Variants in CDC42BPA observed in about 807,000 individuals in gnomAD.
CDC42BPA encodes the protein serine/threonine-protein kinase MRCK alpha.
A neutral mutation model predicts 223.5 loss-of-function variants in CDC42BPA; 80 were observed. That is an observed-to-expected ratio of 0.36 (90% CI 0.30 to 0.43). The LOEUF (loss-of-function observed/expected upper bound fraction) is 0.43. CDC42BPA is among the 20% of genes least tolerant of loss of function. CDC42BPA has a pLI of 1.00. For missense variants in CDC42BPA, 1,743 were observed against 2,099.9 expected (o/e 0.83, Z 3.32); for synonymous variants, 694 against 718.6 (o/e 0.97, Z 0.55).
At chr1:227,258,821 A>G (rs1484185088) in intron 1 of CDC42BPA, among the ~76,000 whole-genome samples, 1 of 150,992 alleles carries the variant, frequency 6.6e-6, no homozygotes, top group Non-Finnish European at 1.5e-5. Context: ...GTTCATTTCA[A>G]GCACACTCTA....
At chr1:227,115,009 G>C (rs962632448) in intron 12 of CDC42BPA, among the ~76,000 whole-genome samples, 9 of 152,096 alleles carry the variant, frequency 5.9e-5, no homozygotes, top group Non-Finnish European at 2.9e-5. Context: ...ACAAATTTCA[G>C]TGAAGAAGAA....
In CDC42BPA at chr1:227,108,653, C is replaced by T. The variant is rs183876887; in HGVS notation, c.2001+3659G>A. On this transcript the variant is annotated intron_variant, in intron 14 of 36. Transcript: ENST00000366766. The stretch of plus-strand genomic sequence containing the variant: ...CTGATTCCAGGACCCTACTTGAATA[C>T]CTAAAATCCACGGATGCTCAAGTCT... 1.2e-3 allele frequency among the ~76,000 whole-genome samples: 181 copies of T among 152,264 alleles called. 1 individual carries two copies. Among genetic ancestry groups the T allele is most frequent in the South Asian group, 2.7e-3 (13 of 4,820 alleles).
rs865928014 is a variant in CDC42BPA at position 227,106,620 on chromosome 1, T to C, written c.2002-5381A>G. On this transcript the variant is annotated intron_variant, in intron 14 of 36. Transcript: ENST00000366766. ...TATTTTAAAAAGAGTTTGAGAAGGA[T>C]TGGTGTTAATTCTTCTTTCAGTATT... Among the ~76,000 whole-genome samples the C allele has an allele frequency of 3.9e-5, 6 of 152,260 alleles. No individual in the cohort carries two copies. In the South Asian group the frequency reaches 1.0e-3, roughly 26 times the overall value.
At chr1:227,192,226 C>T (rs1363458604) in intron 5 of CDC42BPA, among the ~76,000 whole-genome samples, 1 of 152,190 alleles carries the variant, frequency 6.6e-6, no homozygotes, top group Non-Finnish European at 1.5e-5. Context: ...AAACATTCTA[C>T]TCCTTGCCAC....
intron 3 of CDC42BPA, among the ~76,000 whole-genome samples, chr1:227,201,726 C>T (rs1191253021): frequency 6.6e-6 from 1 of 151,674 alleles, no homozygotes; most frequent in Non-Finnish European, 1.5e-5. Context: ...TCCCACCTCC[C>T]CTATATTTTT....
At chr1:227,031,680 C>T (rs1178342824) in intron 27 of CDC42BPA, among the ~76,000 whole-genome samples, 166 bp from the exon 28 acceptor site, 1 of 152,100 alleles carries the variant, frequency 6.6e-6, no homozygotes, top group Non-Finnish European at 1.5e-5. Context: ...ACCTTTAGCA[C>T]TAGAATACAT....
At chr1:227,074,197 G>C in intron 18 of CDC42BPA, 62 bp downstream of exon 18, 1 of 1,392,538 alleles carries the variant, frequency 7.2e-7, no homozygotes, top group South Asian at 1.2e-5. Flanking sequence ...ATTTATTATA[G>C]TGTTTTTTAA....
chr1:227,201,775 T>TG (rs1258870002), intron 3 of CDC42BPA, among the ~76,000 whole-genome samples: 472 of 27,898 alleles, frequency 0.017, 2 homozygotes, highest in Non-Finnish European at 0.027. Context: ...CTCTGTAAGT[T>TG]TTTTTTTTTT....
intron 4 of CDC42BPA, among the ~76,000 whole-genome samples, chr1:227,195,233 C>T (rs911661685): frequency 5.9e-5 from 9 of 152,092 alleles, no homozygotes; most frequent in South Asian, 2.1e-4. Context: ...CTTGCTCTGT[C>T]GCCAGGCTGG....
rs554012299 is a variant in CDC42BPA at position 227,150,742 on chromosome 1, T to C, written c.694-3183A>G. Among the ~76,000 whole-genome samples, 3 of 150,876 alleles carry C rather than the reference T, an allele frequency of 2.0e-5. No homozygotes were observed. The East Asian group carries it at 5.9e-4, about 29-fold the overall frequency. ...CAAGGACTAGAAAAAGAGGCAGGAG[T>C]AACCACCTTAGGGCTGAAAAATAAG... On this transcript the variant is annotated intron_variant, in intron 6 of 36. Transcript: ENST00000366766.
At chr1:227,163,090 ATGTGTGTTTCCAAACATATATGTG>A (rs1558650060) in intron 5 of CDC42BPA, among the ~76,000 whole-genome samples, 6 of 105,592 alleles carry the variant, frequency 5.7e-5, no homozygotes. Context: ...GTTTCCAAAC[ATGTGTGTTTCCAAACATATATGTG>A]TGTATGTTTC....
intron 8 of CDC42BPA, 125 bp downstream of exon 8, chr1:227,145,364 A>T: frequency 1.4e-6 from 1 of 725,070 alleles, no homozygotes; most frequent in South Asian, 2.5e-5. Context: ...AGAAGCCATG[A>T]TCACTGACTA....
intron 1 of CDC42BPA, among the ~76,000 whole-genome samples, chr1:227,299,797 C>A (rs1447225079): frequency 1.3e-5 from 2 of 152,094 alleles, no homozygotes; most frequent in Non-Finnish European, 2.9e-5. Flanking sequence ...ACAAACTAAA[C>A]AGAATGATTT....
intron 34 of CDC42BPA, among the ~76,000 whole-genome samples, chr1:227,006,483 T>C (rs1289007983): frequency 1.3e-5 from 2 of 152,226 alleles, no homozygotes; most frequent in East Asian, 3.8e-4. Flanking sequence ...GGATAAGAAC[T>C]GCCTCCTGGG....
intron 2 of CDC42BPA, among the ~76,000 whole-genome samples, chr1:227,231,541 A>C (rs547291301): frequency 1.6e-4 from 24 of 152,158 alleles, no homozygotes; most frequent in South Asian, 4.1e-4. Flanking sequence ...AGTTCTAGAT[A>C]CCTGAGGAAT....
At chr1:227,120,323 G>GT (rs1688448335) in intron 11 of CDC42BPA, among the ~76,000 whole-genome samples, 3 of 152,322 alleles carry the variant, frequency 2.0e-5, no homozygotes, top group South Asian at 2.1e-4. Flanking sequence ...AAATTACCGT[G>GT]TAAGACGGTT....
intron 5 of CDC42BPA, among the ~76,000 whole-genome samples, chr1:227,174,441 G>A (rs535219016): frequency 5.9e-5 from 9 of 152,214 alleles, no homozygotes; most frequent in African/African-American, 2.2e-4. Context: ...TCAGCGCAAA[G>A]CTCTGGTATA....
chr1:227,270,255 T>C (rs1231106197), intron 1 of CDC42BPA, among the ~76,000 whole-genome samples: 1 of 152,168 alleles, frequency 6.6e-6, no homozygotes, highest in Non-Finnish European at 1.5e-5. Flanking sequence ...TTTATGCACA[T>C]AAATACTTAA....
At chr1:227,092,030 A>T (rs1683168651) in intron 15 of CDC42BPA, 39 bp from the exon 16 acceptor site, 1 of 1,146,920 alleles carries the variant, frequency 8.7e-7, no homozygotes, top group African/African-American at 1.6e-5. Flanking sequence ...AAGGGGAATT[A>T]AAGGTCATTT....
Sources: allele counts gnomAD v4.1 joint callset (sites outside exome capture counted in the v4.1 genomes callset), GRCh38; gene constraint gnomAD v4.1.1; transcripts MANE v1.5; gene names NCBI Gene and HGNC (gene_info 2026-07-23, HGNC 2026-07-21).